MAPKAPK5: variants seen among roughly 807,000 people sequenced by gnomAD.
MAPKAPK5 encodes the protein MAPK activated protein kinase 5.
A neutral mutation model predicts 65.1 loss-of-function variants in MAPKAPK5; 30 were observed. The observed-to-expected ratio is 0.46, with a 90% CI of 0.34 to 0.63. MAPKAPK5 has a LOEUF of 0.63. Ranked by LOEUF, MAPKAPK5 falls within the 20% of genes least tolerant of loss-of-function variation. The probability of loss-of-function intolerance (pLI) is 0.01; values close to 1 mark genes in which losing one functional copy is unlikely to be tolerated. For synonymous variants in MAPKAPK5, 179 were observed against 204.6 expected, an observed-to-expected ratio of 0.87 and a Z score of 1.07; for missense variants, 433 against 581.4, an observed-to-expected ratio of 0.74 and a Z score of 2.63.
At chr12:111,855,797 A>G (rs1248716616) in intron 1 of MAPKAPK5, among the ~76,000 whole-genome samples, 1 of 151,600 alleles carries the variant, frequency 6.6e-6, no homozygotes, top group African/African-American at 2.4e-5. Flanking sequence ...ACTGTACTCC[A>G]GCCTGGTGAC....
At chr12:111,853,102 A>C (rs1412529074) in intron 1 of MAPKAPK5, among the ~76,000 whole-genome samples, 1 of 151,968 alleles carries the variant, frequency 6.6e-6, no homozygotes, top group Non-Finnish European at 1.5e-5. Context: ...TTTCTTCTTC[A>C]CGCCTGTAAT....
At chr12:111,859,868 C>T (rs919491775) in intron 1 of MAPKAPK5, among the ~76,000 whole-genome samples, 4 of 151,792 alleles carry the variant, frequency 2.6e-5, no homozygotes, top group East Asian at 2.0e-4. Flanking sequence ...AGGCTGGTCT[C>T]GAACTCCTGA....
chr12:111,866,308 TAGAGAGAATAC>T, intron 3 of MAPKAPK5, 77 bp downstream of exon 3: 5 of 1,304,654 alleles, frequency 3.8e-6, no homozygotes, highest in Non-Finnish European at 5.3e-6. Context: ...GGCAGCTTCC[TAGAGAGAATAC>T]AGTGATGCAT....
chr12:111,868,956 T>C, intron 5 of MAPKAPK5, 95 bp downstream of exon 5: 3 of 906,724 alleles, frequency 3.3e-6, no homozygotes, highest in Non-Finnish European at 5.1e-6. Flanking sequence ...AAAGAAAAGC[T>C]CTATTTGACT....
At chr12:111,866,350 T>A (rs1173988204) in intron 3 of MAPKAPK5, 119 bp downstream of exon 3, 13 of 758,660 alleles carry the variant, frequency 1.7e-5, no homozygotes, top group Non-Finnish European at 2.3e-5. Flanking sequence ...ATGTCCAAAC[T>A]TTACCTCTCT....
chr12:111,876,400 A>G (rs1302479979), intron 7 of MAPKAPK5, among the ~76,000 whole-genome samples: 2 of 151,944 alleles, frequency 1.3e-5, no homozygotes, highest in Non-Finnish European at 2.9e-5. Flanking sequence ...CCCTGTGAAG[A>G]CACTGCAGTT....
At chr12:111,869,546 A>C (rs1414676862) in intron 5 of MAPKAPK5, among the ~76,000 whole-genome samples, 1 of 152,202 alleles carries the variant, frequency 6.6e-6, no homozygotes, top group Non-Finnish European at 1.5e-5. Flanking sequence ...AAGTTCTTCC[A>C]AGTTTCCCAT....
chr12:111,886,205 G>A (rs932796347), intron 10 of MAPKAPK5, among the ~76,000 whole-genome samples, 169 bp downstream of exon 10: 4 of 152,158 alleles, frequency 2.6e-5, no homozygotes, highest in Non-Finnish European at 4.4e-5. Context: ...AATTTCTTTC[G>A]GTAAAAGACC....
chr12:111,867,782 C>T lies in MAPKAPK5; in HGVS notation c.284+113C>T, dbSNP rs112180180. On this transcript the variant is annotated intron_variant, in intron 4 of 13. Transcript: ENST00000550735. ...TCCCTCTCCTTCTTCCTCCTACCCT[C>T]GCTTCCTCTGCCCTTCCTTCTCCCC... The T allele has an allele frequency of 4.9e-5, 38 of 770,926 alleles. 1 individual carries two copies. Among genetic ancestry groups the T allele is most frequent in the Admixed American group, 1.0e-4 (5 of 48,598 alleles). 47.8% of individuals were successfully genotyped at this position (770,926 alleles called of 1,614,324 possible). A position where few individuals can be genotyped will look rare whatever the true frequency, so the allele number is the denominator to read the frequency against.
rs1453459982 is a variant in MAPKAPK5, at chr12:111,888,601, G to A, written c.1083G>A (p.Arg361=). The A allele has an allele frequency of 6.2e-7, 1 of 1,613,760 alleles. No homozygotes were observed. The highest frequency in any genetic ancestry group is 1.7e-5 in the Admixed American group (1 of 59,964). ...ACTCAGTGAACAACCCCATTCTGCG[G>A]AAGAGGAAGTTACTTGGGTAACTGA... The part of the protein sequence containing the change: ...PLHSVNNPIL[R]KRKLLGTKPK... Residue 361 remains arginine, a synonymous_variant, in exon 11 of 14, where the codon CGG becomes CGA. Coordinates refer to ENST00000550735, the MANE Select transcript of MAPKAPK5 (RefSeq NM_003668.4).
chr12:111,867,807 C>T, intron 4 of MAPKAPK5, 138 bp downstream of exon 4: 2 of 658,236 alleles, frequency 3.0e-6, no homozygotes, highest in Non-Finnish European at 5.4e-6. Flanking sequence ...TCCTTCTCCC[C>T]CTCCATCTCC....
At position 111,901,672 on chromosome 12, in the gene MAPKAPK5, G is replaced by C. The variant is rs1417202108; in HGVS notation, c.*8611G>C. ...AGGAGGAAGAAAAAGAAGAGGAGGAGGAGGAAGAAGAGGAGGAAGAATCAG... is the reference window on the plus strand; with the variant it reads ...AGGAGGAAGAAAAAGAAGAGGAGGACGAGGAAGAAGAGGAGGAAGAATCAG... On this transcript the variant is annotated 3_prime_UTR_variant, in exon 14 of 14. Transcript: ENST00000550735. The C allele has an allele frequency of 2.3e-5, 6 of 262,950 alleles. No homozygotes were observed. The highest frequency in any genetic ancestry group is 4.5e-5 in the Non-Finnish European group (6 of 133,736). The allele number at this position is 262,950 out of a possible 1,614,324, so 16.3% of individuals were successfully genotyped here.
Position 111,901,178 on chromosome 12 carries a change from T to C in MAPKAPK5, c.*8117T>C, listed in dbSNP as rs1169029706. On this transcript the variant is annotated 3_prime_UTR_variant, in exon 14 of 14. Transcript: ENST00000550735. ...TTCCTGATGAAGGAGATGTGCACAA[T>C]GGCACTTACTGTGCACCAAACAAAG... is the stretch of plus-strand genomic sequence containing the variant. 2 of 452,660 alleles carry C rather than the reference T, an allele frequency of 4.4e-6. No homozygotes were observed. The highest frequency in any genetic ancestry group is 8.9e-6 in the Non-Finnish European group (2 of 225,654). The allele number at this position is 452,660 out of a possible 1,614,324, so 28.0% of individuals were successfully genotyped here.
rs527736034 is a variant in MAPKAPK5, at chr12:111,900,741, T to G, written c.*7680T>G. 6 of 456,092 alleles carry G rather than the reference T, an allele frequency of 1.3e-5. No homozygotes were observed. The highest frequency in any genetic ancestry group is 9.3e-5 in the South Asian group (6 of 64,556). The allele number at this position is 456,092 out of a possible 1,614,324, so 28.3% of individuals were successfully genotyped here. ...CCGTAAGGGATATCCTTGCTGTCCT[T>G]CTAGTCGTTCCTGTGATCTCCCAGA... On this transcript the variant is annotated 3_prime_UTR_variant, in exon 14 of 14. Coordinates refer to ENST00000550735, the MANE Select transcript of MAPKAPK5 (RefSeq NM_003668.4).
chr12:111,883,111 G>A lies in MAPKAPK5; in HGVS notation c.661-470G>A, dbSNP rs747335499. Among the ~76,000 whole-genome samples the A allele has an allele frequency of 6.6e-6, 1 of 152,140 alleles. No individual in the cohort carries two copies. Among genetic ancestry groups the A allele is most frequent in the Non-Finnish European group, 1.5e-5 (1 of 68,028 alleles). On this transcript the variant is annotated intron_variant, in intron 8 of 13. Coordinates refer to ENST00000550735, the MANE Select transcript of MAPKAPK5 (RefSeq NM_003668.4). This position sits in a 1 kb window ranked among gnomAD's most constrained non-coding sequence, Gnocchi z 4.8. ...AGAGAGGCCAGGTGTGGTGAGTCAC[G>A]CCTGTAATCCCAGCACTTTGGGAGG...
intron 5 of MAPKAPK5, among the ~76,000 whole-genome samples, chr12:111,869,512 AC>A (rs2069714145): frequency 6.6e-6 from 1 of 152,240 alleles, no homozygotes; most frequent in African/African-American, 2.4e-5. Flanking sequence ...ATTAGGAAGC[AC>A]AGCCCAATTG....
intron 1 of MAPKAPK5, among the ~76,000 whole-genome samples, chr12:111,844,307 C>G (rs1415883325): frequency 2.0e-5 from 3 of 151,992 alleles, no homozygotes; most frequent in Non-Finnish European, 2.9e-5. Flanking sequence ...TCTCCTGCCT[C>G]AGCCTCCCCA....
intron 7 of MAPKAPK5, among the ~76,000 whole-genome samples, chr12:111,877,289 G>C (rs1344807916): frequency 1.4e-5 from 2 of 147,516 alleles, no homozygotes; most frequent in African/African-American, 5.1e-5. Context: ...AAAGTGCTGG[G>C]ATTACAGGTG....
In MAPKAPK5 at chr12:111,895,046, A is replaced by G. The variant is rs1256631067; in HGVS notation, c.*1985A>G. The G allele has an allele frequency of 6.6e-6, 1 of 150,562 alleles. No homozygotes were observed. Among genetic ancestry groups the G allele is most frequent in the Non-Finnish European group, 1.5e-5 (1 of 67,760 alleles). The allele number at this position is 150,562 out of a possible 1,614,324, so 9.3% of individuals were successfully genotyped here. The stretch of plus-strand genomic sequence containing the variant: ...TGTGTGTGACTGCCTGTGGGAATAG[A>G]TGATAAAAAACAAGTGTCTTAAGAA... On this transcript the variant is annotated 3_prime_UTR_variant, in exon 14 of 14. Transcript: ENST00000550735.
Sources: gnomAD v4.1 joint callset for allele counts (sites outside exome capture counted in the v4.1 genomes callset) on GRCh38, gnomAD v4.1.1 for gene constraint, Gnocchi (gnomAD v3.1) non-coding constraint, MANE v1.5 for transcripts, NCBI Gene and HGNC (gene_info 2026-07-23, HGNC 2026-07-21) for gene names.